RNGTT: variants seen among roughly 807,000 people sequenced by gnomAD.
RNGTT encodes the protein RNA guanylyltransferase and 5'-phosphatase, also known as mRNA-capping enzyme.
Under a neutral mutation model 79.3 loss-of-function variants are expected in RNGTT, and 33 were observed. The ratio of observed to expected loss-of-function variants is 0.42; its 90% confidence interval spans 0.32 to 0.56. The LOEUF is 0.56. Among genes scored for constraint, RNGTT ranks in the 20% least tolerant of loss-of-function variants. The pLI is 0.17. For missense variants in RNGTT, 497 were observed against 739.1 expected, an observed-to-expected ratio of 0.67 and a Z score of 3.80; for synonymous variants, 222 against 235.9, an observed-to-expected ratio of 0.94 and a Z score of 0.54.
Position 88,698,258 on chromosome 6 carries a change from T to TGATATATATTTC in RNGTT, c.1440-19840_1440-19839insGAAATATATATC, listed in dbSNP as rs1475331105. Among the ~76,000 whole-genome samples, 339 of 93,472 alleles carry TGATATATATTTC rather than the reference T, an allele frequency of 3.6e-3. 8 individuals carry two copies. In the African/African-American group the frequency reaches 0.042, roughly 12 times the overall value. The allele number at this position is 93,472 out of a possible 152,430, so 61.3% of individuals were successfully genotyped here. A position where few individuals can be genotyped will look rare whatever the true frequency, so the allele number is the denominator to read the frequency against. On this transcript the variant is annotated intron_variant, in intron 13 of 15. Coordinates refer to ENST00000369485, the MANE Select transcript of RNGTT (RefSeq NM_003800.5). Reference sequence around the variant, plus strand: ...GAAATATATATATGAAATATATATATAAATATATATGATATATATATTTCA... The same window carrying TGATATATATTTC: ...GAAATATATATATGAAATATATATATGATATATATTTCAAATATATATGATATATATATTTCA...
intron 4 of RNGTT, among the ~76,000 whole-genome samples, chr6:88,918,170 A>G (rs914027695): frequency 5.3e-5 from 8 of 152,102 alleles, no homozygotes; most frequent in African/African-American, 1.9e-4. Context: ...ATAAAATTTA[A>G]AAAATAGCCA....
intron 14 of RNGTT, among the ~76,000 whole-genome samples, chr6:88,621,824 A>G (rs567623901): frequency 6.6e-6 from 1 of 152,206 alleles, no homozygotes; most frequent in African/African-American, 2.4e-5. Flanking sequence ...TCAGAGGGAG[A>G]TAATAGCCAA....
At chr6:88,648,784 C>T (rs945028192) in intron 14 of RNGTT, among the ~76,000 whole-genome samples, 2 of 152,208 alleles carry the variant, frequency 1.3e-5, no homozygotes, top group African/African-American at 2.4e-5. Context: ...AGGTTTTCCT[C>T]AGCTTTTGAC....
At chr6:88,824,381 C>G (rs1780588156) in intron 11 of RNGTT, among the ~76,000 whole-genome samples, 1 of 152,204 alleles carries the variant, frequency 6.6e-6, no homozygotes, top group Admixed American at 6.5e-5. Context: ...AATGGTACAC[C>G]TGTATAGGGC....
At chr6:88,860,270 G>C (rs1376276833) in intron 8 of RNGTT, among the ~76,000 whole-genome samples, 1 of 152,196 alleles carries the variant, frequency 6.6e-6, no homozygotes, top group Non-Finnish European at 1.5e-5. Context: ...CAGGAACTGG[G>C]CATATTTACT....
chr6:88,823,503 A>G (rs1780562032), intron 11 of RNGTT, among the ~76,000 whole-genome samples: 2 of 152,256 alleles, frequency 1.3e-5, no homozygotes, highest in South Asian at 4.1e-4. Flanking sequence ...GTGGGAGAAT[A>G]TATCAGAAAA....
intron 13 of RNGTT, among the ~76,000 whole-genome samples, chr6:88,679,430 G>A (rs924281679): frequency 4.6e-5 from 7 of 152,180 alleles, no homozygotes; most frequent in African/African-American, 1.7e-4. Flanking sequence ...AGTTGGAGAT[G>A]AGAACTCGAA....
At chr6:88,687,690 T>C (rs1775328397) in intron 13 of RNGTT, among the ~76,000 whole-genome samples, 1 of 149,938 alleles carries the variant, frequency 6.7e-6, no homozygotes. Context: ...AGAGAGGATA[T>C]ATAGTATGCT....
intron 13 of RNGTT, among the ~76,000 whole-genome samples, chr6:88,679,151 T>C (rs1478115564): frequency 6.6e-6 from 1 of 152,188 alleles, no homozygotes; most frequent in Non-Finnish European, 1.5e-5. Context: ...AAATATATCG[T>C]ACCAAAATCT....
At chr6:88,746,938 A>C (rs371042643) in intron 13 of RNGTT, among the ~76,000 whole-genome samples, 12 of 152,318 alleles carry the variant, frequency 7.9e-5, no homozygotes, top group African/African-American at 2.9e-4. Flanking sequence ...TGATGGGTGA[A>C]GTCTTAACAC....
At chr6:88,651,921 A>G (rs73752988) in intron 14 of RNGTT, among the ~76,000 whole-genome samples, 2,053 of 152,222 alleles carry the variant, frequency 0.013, 42 homozygotes, top group African/African-American at 0.046. Context: ...CGGTGGATAG[A>G]TTAATTTTTA....
At chr6:88,872,708 G>C (rs1243017054) in intron 8 of RNGTT, among the ~76,000 whole-genome samples, 1 of 152,138 alleles carries the variant, frequency 6.6e-6, no homozygotes, top group Admixed American at 6.6e-5. Context: ...TAACAATGAA[G>C]ATAATGAAGG....
At chr6:88,821,881 TAAA>T (rs35445708) in intron 11 of RNGTT, among the ~76,000 whole-genome samples, 1 of 139,206 alleles carries the variant, frequency 7.2e-6, no homozygotes. Flanking sequence ...ATTAGGCCAC[TAAA>T]AAAAAAAAAC....
intron 8 of RNGTT, among the ~76,000 whole-genome samples, chr6:88,865,975 C>G (rs558803228): frequency 1.1e-4 from 17 of 152,182 alleles, no homozygotes; most frequent in African/African-American, 3.9e-4. Flanking sequence ...TTTCCTTTAT[C>G]TACCAAAAAG....
intron 14 of RNGTT, among the ~76,000 whole-genome samples, chr6:88,667,239 TA>T (rs1406373136): frequency 6.6e-6 from 1 of 152,056 alleles, no homozygotes; most frequent in East Asian, 1.9e-4. Flanking sequence ...GGGCAAGTGA[TA>T]AAGGAAGGAT....
rs373034627 is a variant in RNGTT, at chr6:88,715,069, T to C, written c.1440-36650A>G. Among the ~76,000 whole-genome samples the C allele has an allele frequency of 3.4e-4, 52 of 152,268 alleles. 1 individual carries two copies. Among genetic ancestry groups the C allele is most frequent in the Admixed American group, 1.6e-3 (25 of 15,290 alleles). On this transcript the variant is annotated intron_variant, in intron 13 of 15. Coordinates refer to ENST00000369485, the MANE Select transcript of RNGTT (RefSeq NM_003800.5). ...ATGACTGTATATCTAGAAAACCCCA[T>C]TGTCTCAGCCCAAAATCTCCTTAAG...
chr6:88,640,556 A>AAAAAAAG (rs1400701832), intron 14 of RNGTT, among the ~76,000 whole-genome samples: 4 of 142,076 alleles, frequency 2.8e-5, no homozygotes, highest in African/African-American at 1.2e-4. Context: ...CAAAAAAAAA[A>AAAAAAAG]AAAAGAAAAG....
intron 14 of RNGTT, among the ~76,000 whole-genome samples, chr6:88,668,879 T>C (rs1179280249): frequency 6.6e-6 from 1 of 152,130 alleles, no homozygotes; most frequent in African/African-American, 2.4e-5. Context: ...AAAAAAAAGC[T>C]ATATATGGCA....
intron 12 of RNGTT, among the ~76,000 whole-genome samples, chr6:88,795,648 T>C (rs62431777): frequency 0.091 from 13,901 of 152,126 alleles, 871 homozygotes; most frequent in Middle Eastern, 0.2. Flanking sequence ...CAAACCTGCA[T>C]GTTCCGCACA....
Sources: allele counts gnomAD v4.1 joint callset (sites outside exome capture counted in the v4.1 genomes callset), GRCh38; gene constraint gnomAD v4.1.1; transcripts MANE v1.5; gene names NCBI Gene and HGNC (gene_info 2026-07-23, HGNC 2026-07-21).